MARK2: variants seen among roughly 807,000 people sequenced by gnomAD.
MARK2 encodes serine/threonine-protein kinase MARK2.
A neutral mutation model predicts 89.8 loss-of-function variants in MARK2; 16 were observed. That is an observed-to-expected ratio of 0.18 (90% confidence interval 0.12 to 0.27). The LOEUF (loss-of-function observed/expected upper bound fraction) is 0.27. Among genes scored for constraint, MARK2 ranks in the 10% least tolerant of loss-of-function variants. The probability of loss-of-function intolerance (pLI) is 1.00; values close to 1 mark genes in which losing one functional copy is unlikely to be tolerated. For missense variants in MARK2, 621 were observed against 1,049.9 expected, an observed-to-expected ratio of 0.59 and a Z score of 5.65; for synonymous variants, 382 against 399.5, an observed-to-expected ratio of 0.96 and a Z score of 0.52.
intron 1 of MARK2, among the ~76,000 whole-genome samples, chr11:63,863,179 C>G (rs1469156122): frequency 6.6e-6 from 1 of 152,146 alleles, no homozygotes. Flanking sequence ...TTTGCATTTG[C>G]TCAGTCTCTC....
Position 63,904,110 on chromosome 11 carries a change from C to G in MARK2, c.1639C>G (p.Pro547Ala). 1 of 1,597,960 alleles carries G rather than the reference C, an allele frequency of 6.3e-7. No individual in the cohort carries two copies. The highest frequency in any genetic ancestry group is 1.3e-5 in the African/African-American group (1 of 74,900). Residue 547 changes from proline (P) to alanine (A), a missense_variant, in exon 15 of 19, where the codon CCC becomes GCC. This residue lies in a region of MARK2 where 397 missense variants were observed against 567.8 expected (regional missense o/e 0.70). Transcript: ENST00000402010. The surrounding 1 kb of genome is among the most constrained non-coding windows in gnomAD (Gnocchi z 6.3). ...GCACCCCAACAAGGCCTCTGGGCTG[C>G]CCCCCACGGAGAGTAACTGTGAGGT... ...SVHPNKASGL[P>A]PTESNCEVPR...
At chr11:63,892,904 ATTTTTT>A (rs896527484) in intron 1 of MARK2, among the ~76,000 whole-genome samples, 4 of 114,686 alleles carry the variant, frequency 3.5e-5, no homozygotes, top group African/African-American at 1.1e-4. Context: ...TGATTTCTTA[ATTTTTT>A]TTTTTTTTTT....
intron 1 of MARK2, among the ~76,000 whole-genome samples, chr11:63,856,842 C>T (rs1228609680): frequency 8.6e-6 from 1 of 115,818 alleles, no homozygotes; most frequent in African/African-American, 3.3e-5. Flanking sequence ...CTCTCTCACT[C>T]TCTCGCCCAG....
At position 63,902,486 on chromosome 11, in the gene MARK2, T is replaced by C; in HGVS notation, c.1235-115T>C. 7.2e-7 allele frequency: 1 copy of C among 1,379,950 alleles called. No individual in the cohort carries two copies. The highest frequency in any genetic ancestry group is 1.3e-5 in the South Asian group (1 of 77,400). 85.5% of individuals were successfully genotyped at this position (1,379,950 alleles called of 1,614,324 possible). A position where few individuals can be genotyped will look rare whatever the true frequency, so the allele number is the denominator to read the frequency against. On this transcript the variant is annotated intron_variant, in intron 12 of 18. Coordinates refer to ENST00000402010, the MANE Select transcript of MARK2 (RefSeq NM_001039469.3). The surrounding 1 kb of genome is among the most constrained non-coding windows in gnomAD (Gnocchi z 4.2). ...CAAGCCACTTCCCTTCCCTCGCCTC[T>C]GTGGAATGGGGGCTTGCTGGGTTGT...
chr11:63,856,963 C>G (rs377044636), intron 1 of MARK2, among the ~76,000 whole-genome samples: 6 of 151,360 alleles, frequency 4.0e-5, no homozygotes, highest in African/African-American at 1.2e-4. Context: ...AGGCGCCCCC[C>G]ACCATGCCCG....
chr11:63,878,677 C>G (rs1223284926), intron 1 of MARK2, among the ~76,000 whole-genome samples: 1 of 151,982 alleles, frequency 6.6e-6, no homozygotes, highest in African/African-American at 2.4e-5. Context: ...CTCAAGTCTT[C>G]TTGATTCAAG....
In MARK2 at chr11:63,902,393, T is replaced by C. The variant is rs1295902593; in HGVS notation, c.1234+63T>C. The C allele has an allele frequency of 6.3e-6, 10 of 1,598,662 alleles. No homozygotes were observed. In the Admixed American group the frequency reaches 1.7e-4, roughly 27 times the overall value. On this transcript the variant is annotated intron_variant, in intron 12 of 18. Coordinates refer to ENST00000402010, the MANE Select transcript of MARK2 (RefSeq NM_001039469.3). The surrounding 1 kb of genome is among the most constrained non-coding windows in gnomAD (Gnocchi z 4.2). ...CTCTCCAGAGAGGTTACAGGTTCTG[T>C]GGGGACTTGGGTAACACAACTAAGT...
chr11:63,865,079 T>C (rs143935296), intron 1 of MARK2, among the ~76,000 whole-genome samples: 2,900 of 151,410 alleles, frequency 0.019, 35 homozygotes, highest in Non-Finnish European at 0.032. Context: ...TTTGTAGAGA[T>C]GGGGTTTCGT....
chr11:63,908,327 T>C (rs1361582203), intron 18 of MARK2, 23 bp downstream of exon 18: 1 of 1,552,170 alleles, frequency 6.4e-7, no homozygotes. Flanking sequence ...GAGCCAGCAC[T>C]GGCCCTGCCC....
At chr11:63,889,056 C>T (rs1243024652) in intron 1 of MARK2, 8 of 991,522 alleles carry the variant, frequency 8.1e-6, no homozygotes, top group East Asian at 5.3e-5. Flanking sequence ...TGCTAAGGGG[C>T]GCCCTGCCTG....
chr11:63,889,888 G>T (rs574999252), intron 1 of MARK2, among the ~76,000 whole-genome samples: 1 of 152,308 alleles, frequency 6.6e-6, no homozygotes, highest in African/African-American at 2.4e-5. Flanking sequence ...CTTTGGGAGT[G>T]CCTGGTGTGC....
Position 63,901,051 on chromosome 11 carries a change from G to A in MARK2, c.1083G>A (p.Leu361=), listed in dbSNP as rs752414013. ...AGGTGATGGCCACCTATCTGCTCCT[G>A]GGCTACAAGAGCTCCGAGGTGTGTG... ...YNEVMATYLL[L]GYKSSELEGD... is the part of the protein sequence containing the mutation. Residue 361 remains leucine (L), a synonymous_variant, in exon 11 of 19, where the codon CTG becomes CTA. Coordinates refer to ENST00000402010, the MANE Select transcript of MARK2 (RefSeq NM_001039469.3). The A allele has an allele frequency of 6.8e-6, 11 of 1,613,106 alleles. No individual in the cohort carries two copies. The highest frequency in any genetic ancestry group is 9.3e-6 in the Non-Finnish European group (11 of 1,179,210).
Position 63,903,148 on chromosome 11 carries a change from G to T in MARK2, c.1504G>T (p.Gly502Cys). The change falls in exon 14 of 19, where the codon GGC becomes TGC. Residue 502 changes from glycine (G) to cysteine (C), a missense_variant. Physicochemically the swap from Gly to Cys is radical, Grantham distance 159 (BLOSUM62 -3). Transcript: ENST00000402010. This position sits in a 1 kb window ranked among gnomAD's most constrained non-coding sequence, Gnocchi z 5.1. ...CCTCGGCCAGGCCTCCATCCAGAAT[G>T]GCAAAGACAGGTGAGAGACCCGGGC... ...ASLGQASIQN[G>C]KDSLTMPGSR... is the part of the protein sequence containing the mutation. 6.2e-7 allele frequency: 1 copy of T among 1,613,120 alleles called. No homozygotes were observed. The highest frequency in any genetic ancestry group is 8.5e-7 in the Non-Finnish European group (1 of 1,179,712).
intron 1 of MARK2, among the ~76,000 whole-genome samples, chr11:63,879,917 A>G (rs1265454603): frequency 6.6e-6 from 1 of 152,124 alleles, no homozygotes; most frequent in Non-Finnish European, 1.5e-5. Context: ...TTCCAGAGAA[A>G]GATGCAGCAG....
intron 1 of MARK2, among the ~76,000 whole-genome samples, chr11:63,854,719 C>T (rs1389463671): frequency 6.7e-6 from 1 of 150,364 alleles, no homozygotes; most frequent in Admixed American, 6.6e-5. Flanking sequence ...CCTGTAATGT[C>T]AGCTACTCGG....
intron 1 of MARK2, chr11:63,868,697 G>A (rs995129385): frequency 6.5e-5 from 29 of 447,400 alleles, no homozygotes; most frequent in Middle Eastern, 3.5e-4. Context: ...TGACACCAAC[G>A]TGTCTGCCTG....
chr11:63,868,347 A>T (rs1938249094), intron 1 of MARK2: 2 of 153,088 alleles, frequency 1.3e-5, no homozygotes, highest in African/African-American at 4.8e-5. Context: ...AAAATTACTT[A>T]AAAAAATCGT....
At chr11:63,870,780 A>G (rs557420046) in intron 1 of MARK2, among the ~76,000 whole-genome samples, 44 of 152,274 alleles carry the variant, frequency 2.9e-4, no homozygotes, top group African/African-American at 5.8e-4. Flanking sequence ...GGTGGAAGCA[A>G]TGTCTGAGCT....
chr11:63,851,513 C>CT (rs78388500), intron 1 of MARK2, among the ~76,000 whole-genome samples: 74,244 of 151,864 alleles, frequency 0.49, 20,528 homozygotes, highest in East Asian at 0.88. Flanking sequence ...GTTTCACTTT[C>CT]TTTTTTTCTG....
Sources: allele counts gnomAD v4.1 joint callset (sites outside exome capture counted in the v4.1 genomes callset), GRCh38; gene constraint gnomAD v4.1.1; regional missense constraint gnomAD v4.1.1; non-coding constraint Gnocchi (gnomAD v3.1); transcripts MANE v1.5; gene names NCBI Gene and HGNC (gene_info 2026-07-23, HGNC 2026-07-21).